The following KCNAB2 variants were observed in gnomAD, a reference collection of about 807,000 sequenced individuals.
KCNAB2 encodes the protein potassium voltage-gated channel subfamily A regulatory beta subunit 2.
In KCNAB2, 29 loss-of-function variants were observed where a neutral mutation model predicts 63.6. The ratio of observed to expected loss-of-function variants is 0.46; its 90% CI spans 0.34 to 0.62. KCNAB2 has a LOEUF of 0.62. Among genes scored for constraint, KCNAB2 ranks in the 20% least tolerant of loss-of-function variants. KCNAB2 has a pLI of 0.01. For missense variants in KCNAB2, 359 were observed against 563.9 expected (o/e 0.64, Z 3.68); for synonymous variants, 222 against 224.2 (o/e 0.99, Z 0.09).
intron 5 of KCNAB2, among the ~76,000 whole-genome samples, chr1:6,084,614 G>A (rs530716213): frequency 3.8e-4 from 58 of 152,238 alleles, no homozygotes; most frequent in South Asian, 3.3e-3. Flanking sequence ...TGAGGAGTTC[G>A]AGACCAGCCT....
chr1:6,062,694 C>A (rs1299112796), intron 2 of KCNAB2, among the ~76,000 whole-genome samples: 1 of 152,136 alleles, frequency 6.6e-6, no homozygotes, highest in Non-Finnish European at 1.5e-5. Context: ...TCACAAGTGA[C>A]TCCGAGTTCA....
chr1:6,085,294 C>A, intron 6 of KCNAB2, 46 bp downstream of exon 6: 1 of 1,563,050 alleles, frequency 6.4e-7, no homozygotes, highest in Non-Finnish European at 8.8e-7. Flanking sequence ...TGGGTGCGGG[C>A]GAACTATCCC....
chr1:6,041,782 C>T, upstream of KCNAB2: 1 of 1,552,630 alleles, frequency 6.4e-7, no homozygotes, highest in East Asian at 2.2e-5. Context: ...TGGACTCTCT[C>T]TCTTCTCTCC....
chr1:6,042,089 T>C (rs1481463531), upstream of KCNAB2, among the ~76,000 whole-genome samples: 1 of 152,164 alleles, frequency 6.6e-6, no homozygotes, highest in Non-Finnish European at 1.5e-5. Context: ...TATGTGTTGG[T>C]CTGCCAGAAG....
In KCNAB2 at chr1:6,086,180, G is replaced by A. The variant is rs1366654915; in HGVS notation, c.425+932G>A. 1.0e-6 allele frequency: 1 copy of A among 985,406 alleles called. No individual in the cohort carries two copies. The highest frequency in any genetic ancestry group is 1.7e-5 in the African/African-American group (1 of 57,334). 61.0% of individuals were successfully genotyped at this position (985,406 alleles called of 1,614,324 possible). A position where few individuals can be genotyped will look rare whatever the true frequency, so the allele number is the denominator to read the frequency against. On this transcript the variant is annotated intron_variant, in intron 6 of 15. Transcript: ENST00000378083. The surrounding 1 kb of genome is among the most constrained non-coding windows in gnomAD (Gnocchi z 4.2). Reference sequence around the variant, plus strand: ...CAGAAACATCAGAAGCAGTTATAAAGTTGGGCCTCCCTCCTCCCTCCCCTC... The same window carrying A: ...CAGAAACATCAGAAGCAGTTATAAAATTGGGCCTCCCTCCTCCCTCCCCTC...
Position 6,049,936 on chromosome 1 carries a change from G to A in KCNAB2, c.-26-1575G>A, listed in dbSNP as rs964813741. ...CTCTCTGGGTGCACATATAGGCAGA[G>A]CAGTGAAAGGTCAGCAGGCTGGTCA... On this transcript the variant is annotated intron_variant, in intron 1 of 15. Coordinates refer to ENST00000378083, the MANE Select transcript of KCNAB2 (RefSeq NM_001199862.2). Among the ~76,000 whole-genome samples, 4 of 152,218 alleles carry A rather than the reference G, an allele frequency of 2.6e-5. No homozygotes were observed. In the East Asian group the frequency reaches 7.7e-4, roughly 29 times the overall value.
In KCNAB2 at chr1:6,073,269, C is replaced by CACACACACCGCCCACTGCAGT. The variant is rs1474420193; in HGVS notation, c.263-454_263-434dup. On this transcript the variant is annotated intron_variant, in intron 3 of 15. Coordinates refer to ENST00000378083, the MANE Select transcript of KCNAB2 (RefSeq NM_001199862.2). This position sits in a 1 kb window ranked among gnomAD's most constrained non-coding sequence, Gnocchi z 5.7. ...TCTGCATGCAGTACACACACCCCCA[C>CACACACACCGCCCACTGCAGT]ACACACACCGCCCACTGCAGTACAC... Among the ~76,000 whole-genome samples, 147 of 152,064 alleles carry CACACACACCGCCCACTGCAGT rather than the reference C, an allele frequency of 9.7e-4. No homozygotes were observed. Among genetic ancestry groups the CACACACACCGCCCACTGCAGT allele is most frequent in the African/African-American group, 2.5e-3 (103 of 41,444 alleles).
At chr1:6,076,208 C>G (rs562553753) in intron 4 of KCNAB2, among the ~76,000 whole-genome samples, 3 of 152,368 alleles carry the variant, frequency 2.0e-5, no homozygotes. Flanking sequence ...AAAATGAAAG[C>G]TTGCCCAGGG....
chr1:6,036,585 G>A (rs757573081), intron 1 of KCNAB2, among the ~76,000 whole-genome samples: 6 of 152,216 alleles, frequency 3.9e-5, no homozygotes, highest in Non-Finnish European at 5.9e-5. Flanking sequence ...CTGGCAGTGC[G>A]TCCTGAAGAA....
At chr1:6,038,335 G>C (rs1352224206) in intron 1 of KCNAB2, among the ~76,000 whole-genome samples, 3 of 151,936 alleles carry the variant, frequency 2.0e-5, no homozygotes, top group African/African-American at 7.3e-5. Context: ...CCATCACCCA[G>C]GCTGGAGTGC....
At chr1:6,009,695 G>C (rs1028038401) in intron 1 of KCNAB2, among the ~76,000 whole-genome samples, 5 of 152,150 alleles carry the variant, frequency 3.3e-5, no homozygotes, top group African/African-American at 9.7e-5. Flanking sequence ...CGCCTTCGAG[G>C]AGTTGGGGGA....
At position 6,050,037 on chromosome 1, in the gene KCNAB2, G is replaced by A. The variant is rs569131024; in HGVS notation, c.-26-1474G>A. Among the ~76,000 whole-genome samples the A allele has an allele frequency of 3.9e-3, 594 of 152,266 alleles. 3 individuals carry two copies. The highest frequency in any genetic ancestry group is 5.2e-3 in the Non-Finnish European group (355 of 68,018). On this transcript the variant is annotated intron_variant, in intron 1 of 15. Transcript: ENST00000378083. ...CTTGTGGGTCTTTCCTTTGGCCCCT[G>A]GAGCTCACCCCAGGAAAGGCCCAGC...
Position 6,004,946 on chromosome 1 carries a change from T to TGG in KCNAB2, c.-53+12163_-53+12164dup, listed in dbSNP as rs199859113. Among the ~76,000 whole-genome samples, 9 of 116,676 alleles carry TGG rather than the reference T, an allele frequency of 7.7e-5. 1 individual carries two copies. The highest frequency in any genetic ancestry group is 1.7e-4 in the Non-Finnish European group (9 of 53,936). The allele number at this position is 116,676 out of a possible 152,430, so 76.5% of individuals were successfully genotyped here. A position where few individuals can be genotyped will look rare whatever the true frequency, so the allele number is the denominator to read the frequency against. ...TGCTGGCTGAGGGGTGAGGGTGGAG[T>TGG]GGGGGGATGTGGGAGCTGAGCTGAG... is the stretch of plus-strand genomic sequence containing the variant. On this transcript the variant is annotated intron_variant, in intron 1 of 16. Transcript: ENST00000341524.
chr1:6,090,465 C>A lies in KCNAB2; in HGVS notation c.591C>A (p.Thr197=), dbSNP rs1557509295. The change falls in exon 9 of 16, where the codon ACC becomes ACA. Residue 197 remains threonine, a synonymous_variant. Transcript: ENST00000378083. ...VVFANRPDPN[T]PMEGDPFSSS... is the part of the protein sequence containing the mutation. ...TTGCCAACCGCCCGGACCCCAACACCCCGATGGAAGGTAGGTGGTCTGCGG... is the reference window on the plus strand; with the variant it reads ...TTGCCAACCGCCCGGACCCCAACACACCGATGGAAGGTAGGTGGTCTGCGG... 6.2e-7 allele frequency: 1 copy of A among 1,613,366 alleles called. No homozygotes were observed. Among genetic ancestry groups the A allele is most frequent in the Non-Finnish European group, 8.5e-7 (1 of 1,179,606 alleles).
chr1:5,995,983 A>C (rs1656914333), intron 1 of KCNAB2: 1 of 152,038 alleles, frequency 6.6e-6, no homozygotes, highest in African/African-American at 2.4e-5. Context: ...ACCCTGGGGG[A>C]TATGGAAGCA....
At chr1:5,999,202 G>A (rs994012850) in intron 1 of KCNAB2, among the ~76,000 whole-genome samples, 1 of 152,218 alleles carries the variant, frequency 6.6e-6, no homozygotes, top group Non-Finnish European at 1.5e-5. Flanking sequence ...AGTGCTTTAC[G>A]TTCTGTGTAA....
chr1:6,039,792 C>T lies in KCNAB2; in HGVS notation c.-52-725C>T, dbSNP rs1032660271. On this transcript the variant is annotated intron_variant, in intron 1 of 15. Transcript: ENST00000164247. Reference sequence around the variant, plus strand: ...GAGGGCTCAGCTTCTCGCCAGCTGTCGGCCCGAGGCTGCCCTCAGTTCCTG... The same window carrying T: ...GAGGGCTCAGCTTCTCGCCAGCTGTTGGCCCGAGGCTGCCCTCAGTTCCTG... 3.9e-5 allele frequency among the ~76,000 whole-genome samples: 6 copies of T among 152,350 alleles called. No homozygotes were observed. The East Asian group carries it at 5.8e-4, about 15-fold the overall frequency.
intron 1 of KCNAB2, among the ~76,000 whole-genome samples, chr1:6,023,173 T>C (rs1658945626): frequency 6.6e-6 from 1 of 152,222 alleles, no homozygotes; most frequent in Non-Finnish European, 1.5e-5. Context: ...TGAGCCACCA[T>C]GTTCAGCCTT....
intron 1 of KCNAB2, among the ~76,000 whole-genome samples, chr1:6,037,780 A>T (rs1340508197): frequency 6.6e-6 from 1 of 151,162 alleles, no homozygotes; most frequent in East Asian, 1.9e-4. Context: ...TGCTGCAGGG[A>T]TTCAATCACC....
Sources: allele counts gnomAD v4.1 joint callset (sites outside exome capture counted in the v4.1 genomes callset), GRCh38; gene constraint gnomAD v4.1.1; non-coding constraint Gnocchi (gnomAD v3.1); transcripts MANE v1.5; gene names NCBI Gene and HGNC (gene_info 2026-07-23, HGNC 2026-07-21).